Variants in MAVS observed in about 807,000 individuals in gnomAD.
The protein encoded by MAVS is mitochondrial antiviral-signaling protein.
MAVS carries 20 observed loss-of-function variants against 30.2 expected under a neutral mutation model. The observed-to-expected ratio is 0.66, with a 90% CI of 0.47 to 0.96. The LOEUF (loss-of-function observed/expected upper bound fraction) is 0.96, where lower values mean the gene tolerates loss of function less well. Among genes scored for constraint, MAVS ranks in the 40% least tolerant of loss-of-function variants. The pLI is 0.00. For missense variants in MAVS, 624 were observed against 701.1 expected (o/e 0.89, Z 1.24); for synonymous variants, 278 against 293.9 (o/e 0.95, Z 0.55).
chr20:3,864,533 C>T lies in MAVS; in HGVS notation c.903C>T (p.Thr301=). 2 of 1,614,164 alleles carry T rather than the reference C, an allele frequency of 1.2e-6. No individual in the cohort carries two copies. Among genetic ancestry groups the T allele is most frequent in the South Asian group, 2.2e-5 (2 of 91,088 alleles). ...ANSLPSKVPT[T]LMPVNTVALK... ...CTCTGCCCTCCAAAGTGCCTACCAC[C>T]TTGATGCCTGTGAACACAGTGGCCC... The change falls in exon 6 of 7, where the codon ACC becomes ACT. Residue 301 remains threonine (T), a synonymous_variant. Coordinates refer to ENST00000428216, the MANE Select transcript of MAVS (RefSeq NM_020746.5).
intron 2 of MAVS, among the ~76,000 whole-genome samples, chr20:3,855,244 G>A (rs1268285138): frequency 2.0e-5 from 3 of 152,060 alleles, no homozygotes; most frequent in Non-Finnish European, 2.9e-5. Flanking sequence ...TGACTTCGCC[G>A]AGCTCCCCCT....
chr20:3,869,006 CT>C lies in MAVS; in HGVS notation c.*2864del. 6.6e-6 allele frequency: 1 copy of C among 152,302 alleles called. No individual in the cohort carries two copies. Among genetic ancestry groups the C allele is most frequent in the Non-Finnish European group, 1.5e-5 (1 of 68,018 alleles). 9.4% of individuals were successfully genotyped at this position (152,302 alleles called of 1,614,324 possible). A position where few individuals can be genotyped will look rare whatever the true frequency, so the allele number is the denominator to read the frequency against. On this transcript the variant is annotated 3_prime_UTR_variant, in exon 7 of 7. Transcript: ENST00000428216. ...CTAGCCCCGCCTCCCATCCTCCCAT[CT>C]TTTTCTTTTTTCTTTTTTTTAGAGA...
rs73572365 is a variant in MAVS at position 3,855,544 on chromosome 20, T to C, written c.117+803T>C. Among the ~76,000 whole-genome samples, 1,237 of 152,122 alleles carry C rather than the reference T, an allele frequency of 8.1e-3. 17 individuals carry two copies. The highest frequency in any genetic ancestry group is 0.027 in the African/African-American group (1,113 of 41,506). ...GTGAAACGGGCACAACCCCTCCCCG[T>C]TGTAGCTGCTGTTCTCAGATTGGAC... On this transcript the variant is annotated intron_variant, in intron 2 of 6. Coordinates refer to ENST00000428216, the MANE Select transcript of MAVS (RefSeq NM_020746.5).
In MAVS at chr20:3,869,841, G is replaced by C. The variant is rs529653046; in HGVS notation, c.*3694G>C. On this transcript the variant is annotated 3_prime_UTR_variant, in exon 7 of 7. Coordinates refer to ENST00000428216, the MANE Select transcript of MAVS (RefSeq NM_020746.5). The stretch of plus-strand genomic sequence containing the variant: ...GCTGTTCTTGAACTCCTGACCTCAA[G>C]TGCTCCACCTGCGTTGGCTTCCCAA... The C allele has an allele frequency of 1.3e-5, 2 of 152,116 alleles. No individual in the cohort carries two copies. The highest frequency in any genetic ancestry group is 4.8e-5 in the African/African-American group (2 of 41,412). The allele number at this position is 152,116 out of a possible 1,614,324, so 9.4% of individuals were successfully genotyped here.
At chr20:3,850,075 G>A (rs1204361689) in intron 1 of MAVS, among the ~76,000 whole-genome samples, 6 of 148,666 alleles carry the variant, frequency 4.0e-5, no homozygotes, top group African/African-American at 1.2e-4. Flanking sequence ...TCAGGAGATC[G>A]AGACCATCCT....
Position 3,867,872 on chromosome 20 carries a change from G to C in MAVS, c.*1725G>C, listed in dbSNP as rs372352319. On this transcript the variant is annotated 3_prime_UTR_variant, in exon 7 of 7. Transcript: ENST00000428216. ...ACCAGAAACACATTGGGGTGGATTG[G>C]GGGTATCCTTATGGGTTCTTTTCAG... is the stretch of plus-strand genomic sequence containing the variant. The C allele has an allele frequency of 6.6e-6, 1 of 152,416 alleles. No individual in the cohort carries two copies. The highest frequency in any genetic ancestry group is 2.1e-4 in the South Asian group (1 of 4,832). The allele number at this position is 152,416 out of a possible 1,614,324, so 9.4% of individuals were successfully genotyped here.
rs1424223682 is a variant in MAVS, at chr20:3,875,042, G to A, written c.*8895G>A. The A allele has an allele frequency of 3.3e-5, 5 of 152,330 alleles. No individual in the cohort carries two copies. The East Asian group carries it at 9.4e-4, about 29-fold the overall frequency. The allele number at this position is 152,330 out of a possible 1,614,324, so 9.4% of individuals were successfully genotyped here. A position where few individuals can be genotyped will look rare whatever the true frequency, so the allele number is the denominator to read the frequency against. On this transcript the variant is annotated 3_prime_UTR_variant, in exon 7 of 7. Transcript: ENST00000428216. ...AAGCCCAGATCCTACAGGAAACCTTGATTAGACCCCTCTCTTTATTAAGCT... is the reference window on the plus strand; with the variant it reads ...AAGCCCAGATCCTACAGGAAACCTTAATTAGACCCCTCTCTTTATTAAGCT...
At chr20:3,855,048 G>A (rs910035947) in intron 2 of MAVS, among the ~76,000 whole-genome samples, 3 of 151,918 alleles carry the variant, frequency 2.0e-5, no homozygotes, top group Non-Finnish European at 2.9e-5. Context: ...GTGCCACCAC[G>A]CCCAGCTAAT....
rs1403316923 is a variant in MAVS, at chr20:3,871,448, T to A, written c.*5301T>A. On this transcript the variant is annotated 3_prime_UTR_variant, in exon 7 of 7. Coordinates refer to ENST00000428216, the MANE Select transcript of MAVS (RefSeq NM_020746.5). ...TGTTGTCAAGCTCTTTGGAGGTGCC[T>A]GGCTGCTACTACTGTCCCAGAGAGG... The A allele has an allele frequency of 6.5e-6, 1 of 153,496 alleles. No individual in the cohort carries two copies. Among genetic ancestry groups the A allele is most frequent in the Admixed American group, 6.6e-5 (1 of 15,256 alleles). 9.5% of individuals were successfully genotyped at this position (153,496 alleles called of 1,614,324 possible).
chr20:3,859,661 G>A (rs950799973), intron 3 of MAVS, among the ~76,000 whole-genome samples: 27 of 151,984 alleles, frequency 1.8e-4, no homozygotes, highest in African/African-American at 6.5e-4. Context: ...AAGCCACTGG[G>A]TCCTAGGATG....
intron 2 of MAVS, among the ~76,000 whole-genome samples, chr20:3,854,944 G>A (rs1600445557): frequency 1.4e-5 from 2 of 147,764 alleles, no homozygotes; most frequent in Non-Finnish European, 3.0e-5. Context: ...AGGCTGGAGT[G>A]CAGTGGCACG....
At chr20:3,864,061 G>A (rs1178873952) in intron 5 of MAVS, among the ~76,000 whole-genome samples, 195 bp from the exon 6 acceptor site, 1 of 152,146 alleles carries the variant, frequency 6.6e-6, no homozygotes. Flanking sequence ...TACAGGTCAA[G>A]GACTGAGGGC....
Position 3,861,403 on chromosome 20 carries a change from C to T in MAVS, c.364C>T (p.Pro122Ser), listed in dbSNP as rs369993378. 1 of 1,614,142 alleles carries T rather than the reference C, an allele frequency of 6.2e-7. No individual in the cohort carries two copies. The highest frequency in any genetic ancestry group is 1.7e-5 in the Admixed American group (1 of 60,014). The change falls in exon 4 of 7, where the codon CCT (proline) becomes TCT (serine). Residue 122 changes from proline (P) to serine (S), a missense_variant. Pro to Ser is a moderately conservative substitution (Grantham distance 74). Transcript: ENST00000428216. ...LPAERPGPPT[P>S]AAAHSIPYNS... is the part of the protein sequence containing the mutation. ...TGCTGAGAGGCCAGGGCCCCCCACA[C>T]CTGCTGCGGCCCACAGCATCCCCTA...
intron 1 of MAVS, among the ~76,000 whole-genome samples, chr20:3,847,482 A>G (rs900214144): frequency 6.6e-6 from 1 of 152,168 alleles, no homozygotes; most frequent in Non-Finnish European, 1.5e-5. Flanking sequence ...ACTTTGCTGT[A>G]TTGGGAACAC....
chr20:3,851,637 G>T (rs2089760753), intron 1 of MAVS, among the ~76,000 whole-genome samples: 1 of 152,044 alleles, frequency 6.6e-6, no homozygotes, highest in Non-Finnish European at 1.5e-5. Flanking sequence ...TGAGTTCAAG[G>T]CATGGAACTC....
At chr20:3,859,086 G>A (rs1013976700) in intron 3 of MAVS, among the ~76,000 whole-genome samples, 2 of 152,010 alleles carry the variant, frequency 1.3e-5, no homozygotes, top group Admixed American at 6.6e-5. Flanking sequence ...CACCGCGTCT[G>A]GCTCTCATGC....
At chr20:3,858,798 CTT>C (rs1194555399) in intron 3 of MAVS, among the ~76,000 whole-genome samples, 4 of 142,350 alleles carry the variant, frequency 2.8e-5, no homozygotes, top group Admixed American at 1.4e-4. Context: ...CTTTCTCTCT[CTT>C]TTTTTTTTTT....
At position 3,857,739 on chromosome 20, in the gene MAVS, G is replaced by T. The variant is rs200033422; in HGVS notation, c.222G>T (p.Ala74=). Residue 74 remains alanine, a synonymous_variant, in exon 3 of 7, where the codon GCG becomes GCT. Transcript: ENST00000428216. ...RRPGWVEYFI[A]ALRGCELVDL... ...CCGGCTGGGTGGAGTACTTCATTGC[G>T]GCACTGAGGGGCTGTGAGCTAGTTG... is the stretch of plus-strand genomic sequence containing the variant. 1.2e-6 allele frequency: 2 copies of T among 1,614,102 alleles called. No homozygotes were observed. The highest frequency in any genetic ancestry group is 3.3e-5 in the Admixed American group (2 of 59,998).
At chr20:3,858,503 C>G (rs548292434) in intron 3 of MAVS, among the ~76,000 whole-genome samples, 4 of 152,028 alleles carry the variant, frequency 2.6e-5, no homozygotes, top group African/African-American at 9.6e-5. Context: ...AACAGTGAAA[C>G]CCCGTCTCTA....
Sources: allele counts gnomAD v4.1 joint callset (sites outside exome capture counted in the v4.1 genomes callset), GRCh38; gene constraint gnomAD v4.1.1; transcripts MANE v1.5; gene names NCBI Gene and HGNC (gene_info 2026-07-23, HGNC 2026-07-21).